Variants in ABHD5 observed in about 807,000 individuals in gnomAD.
The protein encoded by ABHD5 is 1-acylglycerol-3-phosphate O-acyltransferase ABHD5.
Under a neutral mutation model 44.9 loss-of-function variants are expected in ABHD5, and 30 were observed. That is an observed-to-expected ratio of 0.67 (90% CI 0.50 to 0.91). The LOEUF is 0.91. Among genes scored for constraint, ABHD5 ranks in the 40% least tolerant of loss-of-function variants. The pLI is 0.00. For synonymous variants in ABHD5, 167 were observed against 147.0 expected (o/e 1.14, Z -0.99); for missense variants, 399 against 423.4 (o/e 0.94, Z 0.50).
intron 1 of ABHD5, among the ~76,000 whole-genome samples, chr3:43,695,928 T>C (rs1481396966): frequency 6.6e-6 from 1 of 152,236 alleles, no homozygotes; most frequent in African/African-American, 2.4e-5. Context: ...CTCAAAAGTC[T>C]GCTCACTAAA....
downstream of ABHD5, among the ~76,000 whole-genome samples, chr3:43,725,196 C>T (rs1250721003): frequency 1.3e-5 from 2 of 152,096 alleles, no homozygotes; most frequent in Admixed American, 6.6e-5. Flanking sequence ...TTTTATTTTT[C>T]CTTTTGCTTA....
chr3:43,716,436 AG>A (rs1029985764), intron 5 of ABHD5, among the ~76,000 whole-genome samples: 1 of 152,158 alleles, frequency 6.6e-6, no homozygotes, highest in African/African-American at 2.4e-5. Flanking sequence ...AAAGGCTAAG[AG>A]GCGAGATGCA....
chr3:43,692,226 A>G (rs901728481), intron 1 of ABHD5, among the ~76,000 whole-genome samples: 1 of 152,244 alleles, frequency 6.6e-6, no homozygotes, highest in Non-Finnish European at 1.5e-5. Context: ...TGTCATGGGG[A>G]AAAATTGTGA....
At position 43,719,008 on chromosome 3, in the gene ABHD5, G is replaced by A. The variant is rs1446616026; in HGVS notation, c.*476G>A. The A allele has an allele frequency of 6.5e-6, 1 of 154,106 alleles. No individual in the cohort carries two copies. Among genetic ancestry groups the A allele is most frequent in the East Asian group, 1.9e-4 (1 of 5,244 alleles). 9.5% of individuals were successfully genotyped at this position (154,106 alleles called of 1,614,324 possible). ...TAATCTAAATTCAATGTGTTTTTAT[G>A]TAAAAATTTGTCAGTTGTTTAGAAT... On this transcript the variant is annotated 3_prime_UTR_variant, in exon 7 of 7. Transcript: ENST00000644371.
chr3:43,716,145 G>A (rs1181956793), intron 5 of ABHD5, among the ~76,000 whole-genome samples: 1 of 152,170 alleles, frequency 6.6e-6, no homozygotes, highest in East Asian at 1.9e-4. Context: ...ATAGTGGGGG[G>A]CTAGGAGGAG....
rs948639552 is a variant in ABHD5, at chr3:43,722,272, T to C, written c.*3740T>C. On this transcript the variant is annotated 3_prime_UTR_variant, in exon 7 of 7. Coordinates refer to ENST00000644371, the MANE Select transcript of ABHD5 (RefSeq NM_016006.6). ...CTGTAGAAAGGACTGCGAACTATTT[T>C]TGTAGTTCTGGTCTGGAGAAATCTC... 13 of 152,226 alleles carry C rather than the reference T, an allele frequency of 8.5e-5. No individual in the cohort carries two copies. The highest frequency in any genetic ancestry group is 3.1e-4 in the African/African-American group (13 of 41,446). 9.4% of individuals were successfully genotyped at this position (152,226 alleles called of 1,614,324 possible).
chr3:43,710,275 A>G (rs778318446), intron 3 of ABHD5, among the ~76,000 whole-genome samples: 2 of 152,206 alleles, frequency 1.3e-5, no homozygotes, highest in African/African-American at 2.4e-5. Flanking sequence ...TGTTAATGCT[A>G]TGAAGTTTGG....
At chr3:43,716,111 C>T (rs1431891817) in intron 5 of ABHD5, among the ~76,000 whole-genome samples, 3 of 152,034 alleles carry the variant, frequency 2.0e-5, no homozygotes, top group African/African-American at 7.2e-5. Context: ...TGAAAAGTAC[C>T]AGTGGAGAAA....
At chr3:43,723,374 A>C (rs1213572632), downstream of ABHD5, among the ~76,000 whole-genome samples, 1 of 152,224 alleles carries the variant, frequency 6.6e-6, no homozygotes, top group Non-Finnish European at 1.5e-5. Context: ...AAGATTAGGA[A>C]ATCGCCATTT....
chr3:43,702,057 C>G (rs2084547984), intron 2 of ABHD5, 158 bp from the exon 3 acceptor site: 1 of 674,258 alleles, frequency 1.5e-6, no homozygotes, highest in Admixed American at 3.1e-5. Context: ...GGATTATTTA[C>G]TTCAATAAAA....
At chr3:43,700,097 A>G (rs1017749269) in intron 2 of ABHD5, among the ~76,000 whole-genome samples, 2 of 152,156 alleles carry the variant, frequency 1.3e-5, no homozygotes, top group African/African-American at 4.8e-5. Flanking sequence ...CTAGGCCCAG[A>G]TCTGCCACTA....
At chr3:43,705,816 T>C (rs1035127022) in intron 3 of ABHD5, among the ~76,000 whole-genome samples, 2 of 152,310 alleles carry the variant, frequency 1.3e-5, no homozygotes, top group South Asian at 4.1e-4. Context: ...TGGTGCCCTT[T>C]GGTCTTGCTG....
intron 6 of ABHD5, 78 bp from the exon 7 acceptor site, chr3:43,718,363 TAA>T: frequency 8.8e-7 from 1 of 1,135,080 alleles, no homozygotes; most frequent in South Asian, 1.2e-5. Context: ...CTTTTATTAC[TAA>T]GTGTCTTTGC....
chr3:43,714,784 A>G (rs976147102), intron 4 of ABHD5, among the ~76,000 whole-genome samples, 163 bp from the exon 5 acceptor site: 2 of 152,196 alleles, frequency 1.3e-5, no homozygotes, highest in East Asian at 3.8e-4. Context: ...GACAGCTATC[A>G]GAATGTGTGC....
intron 7 of ABHD5, among the ~76,000 whole-genome samples, chr3:43,733,121 T>A (rs1697267039): frequency 6.6e-6 from 1 of 152,224 alleles, no homozygotes; most frequent in East Asian, 1.9e-4. Context: ...TGCTGGATTC[T>A]GATGGTTAGA....
chr3:43,731,602 C>T (rs1365394930), intron 7 of ABHD5, among the ~76,000 whole-genome samples: 1 of 152,146 alleles, frequency 6.6e-6, no homozygotes, highest in East Asian at 1.9e-4. Flanking sequence ...GAGGCCAAGG[C>T]AGGCGGATCA....
rs561150451 is a variant in ABHD5 at position 43,716,382 on chromosome 3, CAG to C, written c.774-1285_774-1284del. Among the ~76,000 whole-genome samples, 5 of 152,230 alleles carry C rather than the reference CAG, an allele frequency of 3.3e-5. No homozygotes were observed. In the South Asian group the frequency reaches 1.0e-3, roughly 32 times the overall value. On this transcript the variant is annotated intron_variant, in intron 5 of 6. Transcript: ENST00000644371. ...GTGAACTATGGAGCACACTTTAAGA[CAG>C]AGAAGTGGTATCTCATCCTTTCTAA...
In ABHD5 at chr3:43,721,003, T is replaced by G. The variant is rs970906942; in HGVS notation, c.*2471T>G. 7 of 151,992 alleles carry G rather than the reference T, an allele frequency of 4.6e-5. No individual in the cohort carries two copies. Among genetic ancestry groups the G allele is most frequent in the African/African-American group, 1.7e-4 (7 of 41,464 alleles). 9.4% of individuals were successfully genotyped at this position (151,992 alleles called of 1,614,324 possible). A position where few individuals can be genotyped will look rare whatever the true frequency, so the allele number is the denominator to read the frequency against. ...CTTCATTCATATATGTAATATATAT[T>G]TATACTTAAAGGGCCATACGCGATT... On this transcript the variant is annotated 3_prime_UTR_variant, in exon 7 of 7. Coordinates refer to ENST00000644371, the MANE Select transcript of ABHD5 (RefSeq NM_016006.6).
chr3:43,723,258 T>G (rs1254800465), downstream of ABHD5, among the ~76,000 whole-genome samples: 1 of 152,218 alleles, frequency 6.6e-6, no homozygotes, highest in Non-Finnish European at 1.5e-5. Context: ...TTTTGAAAAT[T>G]GTTCATGGGA....
Sources: gnomAD v4.1 joint callset for allele counts (sites outside exome capture counted in the v4.1 genomes callset) on GRCh38, gnomAD v4.1.1 for gene constraint, MANE v1.5 for transcripts, NCBI Gene and HGNC (gene_info 2026-07-23, HGNC 2026-07-21) for gene names.